The following THSD7A variants were observed in gnomAD, a reference collection of about 807,000 sequenced individuals.
The protein encoded by THSD7A is thrombospondin type 1 domain containing 7A.
A neutral mutation model predicts 231.3 loss-of-function variants in THSD7A; 96 were observed. That is an observed-to-expected ratio of 0.41 (90% CI 0.35 to 0.49). The LOEUF (loss-of-function observed/expected upper bound fraction) is 0.49, where lower values mean the gene tolerates loss of function less well. Among genes scored for constraint, THSD7A ranks in the 20% least tolerant of loss-of-function variants. THSD7A has a pLI of 0.05. For missense variants in THSD7A, 2,290 were observed against 2,070.2 expected, an observed-to-expected ratio of 1.11 and a Z score of -2.06; for synonymous variants, 940 against 743.3, an observed-to-expected ratio of 1.26 and a Z score of -4.30.
In THSD7A at chr7:11,460,793, G is replaced by C. The variant is rs754116189; in HGVS notation, c.2502-28C>G. On this transcript the variant is annotated intron_variant, in intron 10 of 27. Transcript: ENST00000423059. ...ACAAGACAGGAACAGAAGCCCAGTGGGGAAGAAGCAAAAATGCCAGCAAAT... is the reference window on the plus strand; with the variant it reads ...ACAAGACAGGAACAGAAGCCCAGTGCGGAAGAAGCAAAAATGCCAGCAAAT... The C allele has an allele frequency of 1.4e-5, 22 of 1,586,822 alleles. No individual in the cohort carries two copies. The Admixed American group carries it at 2.1e-4, about 15-fold the overall frequency.
chr7:11,824,364 T>G (rs1583320396), intron 1 of THSD7A, among the ~76,000 whole-genome samples: 2 of 152,074 alleles, frequency 1.3e-5, no homozygotes, highest in South Asian at 4.1e-4. Context: ...GTCAAGAAAC[T>G]TGTATTCCTC....
At chr7:11,515,354 C>T (rs1288795271) in intron 6 of THSD7A, among the ~76,000 whole-genome samples, 1 of 152,108 alleles carries the variant, frequency 6.6e-6, no homozygotes, top group Non-Finnish European at 1.5e-5. Context: ...ATTTATCCCA[C>T]TTTTCTACTT....
intron 6 of THSD7A, among the ~76,000 whole-genome samples, chr7:11,513,542 C>A (rs990177902): frequency 6.6e-6 from 1 of 152,020 alleles, no homozygotes; most frequent in Non-Finnish European, 1.5e-5. Flanking sequence ...AGAAGCCAGA[C>A]ACAACAGGTC....
At chr7:11,662,537 A>G (rs1782968833) in intron 1 of THSD7A, among the ~76,000 whole-genome samples, 2 of 151,438 alleles carry the variant, frequency 1.3e-5, no homozygotes, top group African/African-American at 4.8e-5. Context: ...TTAGAACAAC[A>G]TGATTAACAA....
chr7:11,704,086 A>G (rs1780687812), intron 1 of THSD7A, among the ~76,000 whole-genome samples: 2 of 151,182 alleles, frequency 1.3e-5, no homozygotes, highest in African/African-American at 4.8e-5. Context: ...TTTAATTGAA[A>G]GGAACAAAGC....
intron 2 of THSD7A, among the ~76,000 whole-genome samples, chr7:11,615,340 G>C (rs1781070307): frequency 6.6e-6 from 1 of 152,138 alleles, no homozygotes; most frequent in Admixed American, 6.5e-5. Flanking sequence ...GTGAGCAGAG[G>C]CATATGACCT....
intron 4 of THSD7A, among the ~76,000 whole-genome samples, chr7:11,575,248 C>T (rs557097162): frequency 6.6e-6 from 1 of 152,192 alleles, no homozygotes; most frequent in South Asian, 2.1e-4. Context: ...GAAGGAAATA[C>T]TAGAAAGCAA....
At chr7:11,631,758 C>T (rs933583824) in intron 2 of THSD7A, among the ~76,000 whole-genome samples, 1 of 152,168 alleles carries the variant, frequency 6.6e-6, no homozygotes, top group South Asian at 2.1e-4. Flanking sequence ...CCTGATTTCT[C>T]AGAAGGCAGA....
In THSD7A at chr7:11,406,785, T is replaced by G. The variant is rs1783596624; in HGVS notation, c.4062+125A>C. 8.1e-7 allele frequency: 1 copy of G among 1,241,154 alleles called. No individual in the cohort carries two copies. The highest frequency in any genetic ancestry group is 1.7e-5 in the South Asian group (1 of 57,240). The allele number at this position is 1,241,154 out of a possible 1,614,324, so 76.9% of individuals were successfully genotyped here. ...TATAAAATGGCAAGTACATACAAAT[T>G]TTAAGAAGCTTGTCATCTGTGAGCT... On this transcript the variant is annotated intron_variant, in intron 21 of 27. Transcript: ENST00000423059. The surrounding 1 kb of genome is among the most constrained non-coding windows in gnomAD (Gnocchi z 4.7).
intron 1 of THSD7A, chr7:11,820,610 G>T: frequency 1.4e-6 from 1 of 734,358 alleles, no homozygotes; most frequent in Non-Finnish European, 2.4e-6. Flanking sequence ...CTCTTCCTCT[G>T]GCTTGAAATT....
At chr7:11,469,133 A>AC (rs1447096339) in intron 9 of THSD7A, among the ~76,000 whole-genome samples, 62 of 152,294 alleles carry the variant, frequency 4.1e-4, no homozygotes, top group East Asian at 1.9e-3. Context: ...CAGGAAATTT[A>AC]GAAAAAATTA....
At chr7:11,771,177 A>T (rs1783217422) in intron 1 of THSD7A, among the ~76,000 whole-genome samples, 1 of 151,156 alleles carries the variant, frequency 6.6e-6, no homozygotes, top group Non-Finnish European at 1.5e-5. Flanking sequence ...AATCCCATAG[A>T]TATGTTTATA....
chr7:11,386,946 G>A lies in THSD7A; in HGVS notation c.4412-4330C>T, dbSNP rs370400773. On this transcript the variant is annotated intron_variant, in intron 23 of 27. Transcript: ENST00000423059. ...CTGCATATGGCTAGCCAGTTTTCCC[G>A]ACACCATTTATTAAATAGGGAATCC... Among the ~76,000 whole-genome samples, 191 of 152,098 alleles carry A rather than the reference G, an allele frequency of 1.3e-3. 1 individual carries two copies. Among genetic ancestry groups the A allele is most frequent in the African/African-American group, 3.6e-3 (151 of 41,496 alleles).
At chr7:11,405,587 A>G (rs1013341895) in intron 22 of THSD7A, among the ~76,000 whole-genome samples, 1 of 152,088 alleles carries the variant, frequency 6.6e-6, no homozygotes, top group African/African-American at 2.4e-5. Flanking sequence ...TTCCTCTACA[A>G]TTCTCTGCAT....
At chr7:11,658,859 G>A (rs1782809122) in intron 1 of THSD7A, among the ~76,000 whole-genome samples, 1 of 151,652 alleles carries the variant, frequency 6.6e-6, no homozygotes, top group African/African-American at 2.4e-5. Context: ...AAGAAAATGA[G>A]CACATGTAAG....
At chr7:11,484,712 G>T (rs1029897720) in intron 6 of THSD7A, among the ~76,000 whole-genome samples, 1 of 151,750 alleles carries the variant, frequency 6.6e-6, no homozygotes, top group Non-Finnish European at 1.5e-5. Context: ...GAAATAGAAT[G>T]TTGGTCTAGA....
At chr7:11,790,757 TAATTAC>T (rs1783928711) in intron 1 of THSD7A, among the ~76,000 whole-genome samples, 2 of 152,034 alleles carry the variant, frequency 1.3e-5, no homozygotes, top group African/African-American at 4.8e-5. Context: ...CACATAAATA[TAATTAC>T]AAGTTTATAA....
At chr7:11,716,323 C>T (rs970791058) in intron 1 of THSD7A, among the ~76,000 whole-genome samples, 4 of 151,414 alleles carry the variant, frequency 2.6e-5, no homozygotes, top group African/African-American at 9.7e-5. Context: ...ATCTGGTGAG[C>T]ACATAGCAGG....
chr7:11,812,643 T>C (rs1467106026), intron 1 of THSD7A, among the ~76,000 whole-genome samples: 1 of 152,206 alleles, frequency 6.6e-6, no homozygotes, highest in East Asian at 1.9e-4. Flanking sequence ...AATGCAAACT[T>C]CAGTTATCAC....
Sources: allele counts gnomAD v4.1 joint callset (sites outside exome capture counted in the v4.1 genomes callset), GRCh38; gene constraint gnomAD v4.1.1; non-coding constraint Gnocchi (gnomAD v3.1); transcripts MANE v1.5; gene names NCBI Gene and HGNC (gene_info 2026-07-23, HGNC 2026-07-21).